Variants in ADH7 observed in about 807,000 individuals in gnomAD.
The protein encoded by ADH7 is all-trans-retinol dehydrogenase [NAD(+)] ADH7.
Under a neutral mutation model 34.4 loss-of-function variants are expected in ADH7, and 41 were observed. The observed-to-expected ratio is 1.19, with a 90% CI of 0.93 to 1.55. ADH7 has a LOEUF of 1.55. ADH7 is among the 40% of genes most tolerant of loss of function. The pLI is 0.00. For missense variants in ADH7, 540 were observed against 461.2 expected, an observed-to-expected ratio of 1.17 and a Z score of -1.56; for synonymous variants, 180 against 160.9, an observed-to-expected ratio of 1.12 and a Z score of -0.90.
At position 99,435,309 on chromosome 4, in the gene ADH7, A is replaced by G. The variant is rs17537595; in HGVS notation, c.-76T>C. 202,632 of 1,597,230 alleles carry G rather than the reference A, an allele frequency of 0.13. 13,866 individuals carry two copies. The highest frequency in any genetic ancestry group is 0.16 in the South Asian group (14,447 of 89,462). On this transcript the variant is annotated 5_prime_UTR_variant, in exon 1 of 9. Coordinates refer to ENST00000437033, the MANE Select transcript of ADH7 (RefSeq NM_000673.7). ...TGATGCTCAGTTCACTCTGTTGTATATAACAGCAGCTTGTGCCTTCACATA... is the reference window on the plus strand; with the variant it reads ...TGATGCTCAGTTCACTCTGTTGTATGTAACAGCAGCTTGTGCCTTCACATA...
chr4:99,421,076 A>G (rs918054921), intron 5 of ADH7, among the ~76,000 whole-genome samples: 8 of 152,258 alleles, frequency 5.3e-5, no homozygotes, highest in Non-Finnish European at 7.3e-5. Flanking sequence ...CATACTGCCC[A>G]AAGTAATTTA....
At position 99,420,102 on chromosome 4, in the gene ADH7, A is replaced by G. The variant is rs139901645; in HGVS notation, c.825+431T>C. ...ACAAAGCTCAGATGTAAAGAGTGAG[A>G]AGGTCGATGGATCACAGATTTGGGG... On this transcript the variant is annotated intron_variant, in intron 6 of 8. Coordinates refer to ENST00000437033, the MANE Select transcript of ADH7 (RefSeq NM_000673.7). Among the ~76,000 whole-genome samples the G allele has an allele frequency of 1.3e-4, 20 of 152,310 alleles. No homozygotes were observed. The Middle Eastern group carries it at 0.01, about 78-fold the overall frequency.
Position 99,427,885 on chromosome 4 carries a change from A to G in ADH7, c.452T>C (p.Val151Ala), listed in dbSNP as rs1721846434. The G allele has an allele frequency of 6.2e-7, 1 of 1,613,712 alleles. No homozygotes were observed. Among genetic ancestry groups the G allele is most frequent in the Admixed American group, 1.7e-5 (1 of 59,922 alleles). The change falls in exon 5 of 9, where the codon GTG becomes GCG. Residue 151 changes from valine to alanine, a missense_variant. Transcript: ENST00000437033. The part of the protein sequence containing the change: ...MNTSTFTEYT[V>A]VDESSVAKID... ...CTTAGCAACAGAAGATTCATCCACCACTGTGTACTCGGTAAATGTACTGGT... is the reference window on the plus strand; with the variant it reads ...CTTAGCAACAGAAGATTCATCCACCGCTGTGTACTCGGTAAATGTACTGGT...
intron 1 of ADH7, 101 bp from the exon 2 acceptor site, chr4:99,429,734 T>A (rs1186749591): frequency 1.0e-5 from 8 of 777,430 alleles, no homozygotes; most frequent in Non-Finnish European, 1.6e-5. Context: ...TATAATATTT[T>A]AAGTTTTCCA....
chr4:99,420,292 C>T (rs1308693943), intron 6 of ADH7, among the ~76,000 whole-genome samples: 2 of 152,168 alleles, frequency 1.3e-5, no homozygotes, highest in Non-Finnish European at 2.9e-5. Context: ...GACTACCTTG[C>T]CATCTAGTCA....
Position 99,418,997 on chromosome 4 carries a change from C to G in ADH7, c.950G>C (p.Cys317Ser). The part of the protein sequence containing the change: ...LLFTGRTWKG[C>S]VFGGLKSRDD... ...TTTGCTTTCCTGACCTCCAAAGACA[C>G]ATCCCTTCCATGTGCGTCCAGTGAA... Residue 317 changes from cysteine (C) to serine (S), a missense_variant, in exon 7 of 9, where the codon TGT (cysteine) becomes TCT (serine). Coordinates refer to ENST00000437033, the MANE Select transcript of ADH7 (RefSeq NM_000673.7). The G allele has an allele frequency of 6.2e-7, 1 of 1,613,766 alleles. No homozygotes were observed. Among genetic ancestry groups the G allele is most frequent in the Non-Finnish European group, 8.5e-7 (1 of 1,179,790 alleles).
At chr4:99,413,315 C>A in intron 8 of ADH7, 143 bp from the exon 9 acceptor site, 1 of 858,758 alleles carries the variant, frequency 1.2e-6, no homozygotes, top group Non-Finnish European at 1.8e-6. Context: ...AAGTCCTTAA[C>A]AATTAGTTTT....
In ADH7 at chr4:99,419,114, G is replaced by A. The variant is rs760167786; in HGVS notation, c.833C>T (p.Ala278Val). The change falls in exon 7 of 9, where the codon GCC (alanine) becomes GTC (valine). Residue 278 changes from alanine to valine, a missense_variant. Physicochemically the swap from Ala to Val is moderately conservative, Grantham distance 64. Transcript: ENST00000437033. The stretch of plus-strand genomic sequence containing the variant: ...ATAGTTCATGTGGCAGGATGCCAGG[G>A]CATCAATCTGAGTTTAAAACGGAGG... ...VIGHLETMIDALASCHMNYGT... is the reference protein window; with the variant it reads ...VIGHLETMIDVLASCHMNYGT... 6 of 1,613,428 alleles carry A rather than the reference G, an allele frequency of 3.7e-6. No individual in the cohort carries two copies. The highest frequency in any genetic ancestry group is 5.1e-6 in the Non-Finnish European group (6 of 1,179,652).
chr4:99,431,970 A>G (rs777364685), intron 1 of ADH7, among the ~76,000 whole-genome samples: 5 of 152,234 alleles, frequency 3.3e-5, no homozygotes, highest in Non-Finnish European at 5.9e-5. Context: ...TATTGGGTAT[A>G]TACCCAAAGA....
intron 1 of ADH7, chr4:99,432,563 T>C (rs946067502): frequency 6.6e-6 from 1 of 152,104 alleles, no homozygotes; most frequent in African/African-American, 2.4e-5. Context: ...CAAATAGTAC[T>C]GAGGGAAAAT....
intron 1 of ADH7, among the ~76,000 whole-genome samples, chr4:99,431,312 C>A (rs1244176010): frequency 1.3e-5 from 2 of 152,078 alleles, no homozygotes; most frequent in Non-Finnish European, 2.9e-5. Flanking sequence ...TTATATCATA[C>A]ATAAAAGTTA....
chr4:99,429,807 T>C (rs1417402996), intron 1 of ADH7, among the ~76,000 whole-genome samples, 174 bp from the exon 2 acceptor site: 1 of 152,200 alleles, frequency 6.6e-6, no homozygotes, highest in Non-Finnish European at 1.5e-5. Context: ...GTGCCTTTGC[T>C]TAAGGCATGA....
At chr4:99,434,392 A>G (rs1051228583) in intron 1 of ADH7, among the ~76,000 whole-genome samples, 3 of 152,138 alleles carry the variant, frequency 2.0e-5, no homozygotes, top group Non-Finnish European at 2.9e-5. Flanking sequence ...AAATTCTAAC[A>G]TCATAGAGTC....
chr4:99,421,462 G>C (rs111540153), intron 5 of ADH7, among the ~76,000 whole-genome samples: 2 of 151,984 alleles, frequency 1.3e-5, no homozygotes, highest in Admixed American at 6.6e-5. Context: ...AGAAAACTCA[G>C]ACTGGACCCC....
At chr4:99,434,059 A>C (rs1579582659) in intron 1 of ADH7, among the ~76,000 whole-genome samples, 1 of 152,012 alleles carries the variant, frequency 6.6e-6, no homozygotes, top group East Asian at 1.9e-4. Context: ...TAACTTTTAT[A>C]CTCTTTATAT....
intron 5 of ADH7, among the ~76,000 whole-genome samples, chr4:99,421,011 C>T (rs901707736): frequency 6.6e-6 from 1 of 152,034 alleles, no homozygotes; most frequent in African/African-American, 2.4e-5. Flanking sequence ...AGGACACAAA[C>T]AAATGGAAAA....
intron 7 of ADH7, among the ~76,000 whole-genome samples, chr4:99,417,780 T>C (rs1410671301): frequency 1.3e-5 from 2 of 152,152 alleles, no homozygotes; most frequent in Non-Finnish European, 2.9e-5. Context: ...GAATTTTACC[T>C]CTAATATTCC....
At chr4:99,421,237 C>G (rs545671630) in intron 5 of ADH7, among the ~76,000 whole-genome samples, 3 of 152,202 alleles carry the variant, frequency 2.0e-5, no homozygotes, top group South Asian at 2.1e-4. Context: ...ATCATGCTAC[C>G]AGCCTTCAAA....
At chr4:99,417,562 C>A (rs1465274490) in intron 7 of ADH7, among the ~76,000 whole-genome samples, 1 of 152,118 alleles carries the variant, frequency 6.6e-6, no homozygotes, top group East Asian at 1.9e-4. Flanking sequence ...TATTATTATC[C>A]TTTGCACTTG....
Sources: allele counts gnomAD v4.1 joint callset (sites outside exome capture counted in the v4.1 genomes callset), GRCh38; gene constraint gnomAD v4.1.1; transcripts MANE v1.5; gene names NCBI Gene and HGNC (gene_info 2026-07-23, HGNC 2026-07-21).